Variants in REEP1 observed in about 807,000 individuals in gnomAD.
REEP1 encodes receptor expression-enhancing protein 1.
In REEP1, 22 loss-of-function variants were observed where a neutral mutation model predicts 40.3. That is an observed-to-expected ratio of 0.55 (90% CI 0.39 to 0.78). The LOEUF (loss-of-function observed/expected upper bound fraction) is 0.78. REEP1 is among the 30% of genes least tolerant of loss of function. The probability of loss-of-function intolerance (pLI) is 0.00; values close to 1 mark genes in which losing one functional copy is unlikely to be tolerated. For missense variants in REEP1, 280 were observed against 361.1 expected (o/e 0.78, Z 1.82); for synonymous variants, 116 against 139.2 (o/e 0.83, Z 1.17).
At chr2:86,314,316 C>A (rs1428845834) in intron 1 of REEP1, among the ~76,000 whole-genome samples, 2 of 152,182 alleles carry the variant, frequency 1.3e-5, no homozygotes, top group Non-Finnish European at 2.9e-5. Context: ...CACCTCCCCA[C>A]CTGGAGTCTC....
intron 3 of REEP1, among the ~76,000 whole-genome samples, chr2:86,256,951 T>A (rs1574042872): frequency 6.6e-6 from 1 of 151,984 alleles, no homozygotes; most frequent in Non-Finnish European, 1.5e-5. Flanking sequence ...GACACCCCTA[T>A]CCCCCAGTCA....
chr2:86,259,249 C>T lies in REEP1; in HGVS notation c.183-4435G>A, dbSNP rs184840400. On this transcript the variant is annotated intron_variant, in intron 3 of 8. Coordinates refer to ENST00000538924, the MANE Select transcript of REEP1 (RefSeq NM_001371279.1). The stretch of plus-strand genomic sequence containing the variant: ...AGATTGCAGTGAGCCAAGATCGCAC[C>T]ACTGCACTCTGTCTAAAAAAAAAAA... 8.1e-3 allele frequency among the ~76,000 whole-genome samples: 1,127 copies of T among 138,328 alleles called. 22 individuals are homozygous for T. Among genetic ancestry groups the T allele is most frequent in the African/African-American group, 0.025 (1,037 of 40,830 alleles). 90.7% of individuals were successfully genotyped at this position (138,328 alleles called of 152,430 possible). A position where few individuals can be genotyped will look rare whatever the true frequency, so the allele number is the denominator to read the frequency against.
chr2:86,263,202 TAC>T (rs779934697), intron 3 of REEP1, among the ~76,000 whole-genome samples: 1 of 152,194 alleles, frequency 6.6e-6, no homozygotes, highest in Non-Finnish European at 1.5e-5. Context: ...AATGTGTGTA[TAC>T]ACACACACAT....
chr2:86,242,757 A>C (rs1249395908), intron 5 of REEP1, among the ~76,000 whole-genome samples: 1 of 152,162 alleles, frequency 6.6e-6, no homozygotes, highest in Non-Finnish European at 1.5e-5. Flanking sequence ...CAGGACTTAA[A>C]CAGGAAGGGA....
chr2:86,259,294 GGA>G (rs2104277786), intron 3 of REEP1, among the ~76,000 whole-genome samples: 1 of 152,102 alleles, frequency 6.6e-6, no homozygotes, highest in African/African-American at 2.4e-5. Flanking sequence ...TTCTAGGGAG[GGA>G]GACTGTGGGT....
intron 1 of REEP1, among the ~76,000 whole-genome samples, chr2:86,305,101 T>C (rs1228252010): frequency 6.6e-6 from 1 of 152,018 alleles, no homozygotes; most frequent in Non-Finnish European, 1.5e-5. Context: ...TATACAGATA[T>C]TGGTTAAATG....
At chr2:86,320,686 A>G (rs965237217) in intron 1 of REEP1, among the ~76,000 whole-genome samples, 4 of 152,252 alleles carry the variant, frequency 2.6e-5, no homozygotes, top group Non-Finnish European at 4.4e-5. Flanking sequence ...ACTAAATAGA[A>G]TTTCTAGAAT....
At chr2:86,299,004 A>C (rs6760222) in intron 1 of REEP1, among the ~76,000 whole-genome samples, 12,020 of 152,190 alleles carry the variant, frequency 0.079, 777 homozygotes, top group African/African-American at 0.17. Flanking sequence ...CAAAGCTGGG[A>C]TGTTAAGAAC....
At chr2:86,337,745 G>T, upstream of REEP1, 1 of 862,554 alleles carries the variant, frequency 1.2e-6, no homozygotes, top group South Asian at 5.4e-5. The surrounding 1 kb of genome is among the most constrained non-coding windows in gnomAD (Gnocchi z 5.8). Flanking sequence ...ATTGGGCGGT[G>T]AGCTGGTCAG....
chr2:86,328,641 T>C (rs1450266453), intron 1 of REEP1, among the ~76,000 whole-genome samples: 2 of 152,166 alleles, frequency 1.3e-5, no homozygotes, highest in Non-Finnish European at 2.9e-5. Flanking sequence ...ATGGTGCCAC[T>C]GCACTCCAGC....
intron 2 of REEP1, among the ~76,000 whole-genome samples, chr2:86,264,753 T>C (rs1406981113): frequency 6.6e-6 from 1 of 152,150 alleles, no homozygotes; most frequent in Non-Finnish European, 1.5e-5. Flanking sequence ...CTAATAATGA[T>C]AATAAACACC....
chr2:86,278,099 A>C (rs1316098352), intron 2 of REEP1, among the ~76,000 whole-genome samples: 1 of 152,180 alleles, frequency 6.6e-6, no homozygotes, highest in Non-Finnish European at 1.5e-5. Context: ...AATCTTCAAC[A>C]TGTGTTCATT....
At chr2:86,258,750 T>C (rs1446033495) in intron 3 of REEP1, among the ~76,000 whole-genome samples, 3 of 152,166 alleles carry the variant, frequency 2.0e-5, no homozygotes, top group Admixed American at 6.5e-5. Flanking sequence ...TGAGAACTCC[T>C]TGAAGAGCCC....
chr2:86,335,119 A>G (rs1414336736), intron 1 of REEP1, among the ~76,000 whole-genome samples: 1 of 101,994 alleles, frequency 9.8e-6, no homozygotes, highest in Non-Finnish European at 1.9e-5. Flanking sequence ...ATATATGTAC[A>G]TATATGCAAT....
At chr2:86,265,686 CAGAA>C (rs1423542411) in intron 2 of REEP1, among the ~76,000 whole-genome samples, 2 of 152,144 alleles carry the variant, frequency 1.3e-5, no homozygotes, top group Non-Finnish European at 2.9e-5. Context: ...AACTCAGAAA[CAGAA>C]AGCCAAATAC....
intron 1 of REEP1, among the ~76,000 whole-genome samples, chr2:86,327,423 GA>G (rs1241504237): frequency 2.0e-5 from 3 of 152,156 alleles, no homozygotes; most frequent in African/African-American, 7.2e-5. Flanking sequence ...CTGAGTGAGA[GA>G]GGGGAGGCCA....
chr2:86,317,287 T>C (rs375814117), intron 1 of REEP1, among the ~76,000 whole-genome samples: 3 of 152,078 alleles, frequency 2.0e-5, no homozygotes, highest in African/African-American at 4.8e-5. Flanking sequence ...CAATAAAGGA[T>C]TTTTTTTGAC....
At chr2:86,224,933 GA>G (rs1229846529) in intron 7 of REEP1, among the ~76,000 whole-genome samples, 1 of 152,164 alleles carries the variant, frequency 6.6e-6, no homozygotes, top group Non-Finnish European at 1.5e-5. Context: ...CACTCTCCCC[GA>G]CCCCCAAGTG....
At chr2:86,254,623 T>C (rs1676449078) in intron 4 of REEP1, 71 bp downstream of exon 4, 1 of 1,517,100 alleles carries the variant, frequency 6.6e-7, no homozygotes, top group Admixed American at 1.7e-5. Context: ...TGCAATAAGA[T>C]CATCCCTTTT....
Sources: allele counts gnomAD v4.1 joint callset (sites outside exome capture counted in the v4.1 genomes callset), GRCh38; gene constraint gnomAD v4.1.1; non-coding constraint Gnocchi (gnomAD v3.1); transcripts MANE v1.5; gene names NCBI Gene and HGNC (gene_info 2026-07-23, HGNC 2026-07-21).